PLXNA4: variants seen among roughly 807,000 people sequenced by gnomAD.
PLXNA4 encodes plexin A4, also known as plexin-A4.
In PLXNA4, 44 loss-of-function variants were observed where a neutral mutation model predicts 191.8. That is an observed-to-expected ratio of 0.23 (90% CI 0.18 to 0.29). PLXNA4 has a LOEUF of 0.29. Among genes scored for constraint, PLXNA4 ranks in the 10% least tolerant of loss-of-function variants. The probability of loss-of-function intolerance (pLI) is 1.00; values close to 1 mark genes in which losing one functional copy is unlikely to be tolerated. For missense variants in PLXNA4, 1,800 were observed against 2,488.8 expected (o/e 0.72, Z 5.89); for synonymous variants, 1,082 against 1,009.5 (o/e 1.07, Z -1.36).
At chr7:132,197,038 A>G (rs943194420) in intron 13 of PLXNA4, among the ~76,000 whole-genome samples, 9 of 152,230 alleles carry the variant, frequency 5.9e-5, no homozygotes, top group African/African-American at 1.9e-4. Flanking sequence ...ATGATTTTTG[A>G]TGCACAAGTT....
intron 2 of PLXNA4, among the ~76,000 whole-genome samples, chr7:132,615,742 ACT>A (rs1190674225): frequency 6.6e-6 from 1 of 151,724 alleles, no homozygotes; most frequent in African/African-American, 2.4e-5. Flanking sequence ...AAACTAACAG[ACT>A]CTGTCCACAT....
intron 3 of PLXNA4, among the ~76,000 whole-genome samples, chr7:132,324,985 C>T (rs1447916777): frequency 6.6e-6 from 1 of 152,218 alleles, no homozygotes; most frequent in African/African-American, 2.4e-5. Flanking sequence ...GCAGCCTCCT[C>T]TTCTCCAGAT....
At chr7:132,226,305 A>G (rs1798320925) in intron 7 of PLXNA4, 45 bp from the exon 8 acceptor site, 1 of 1,525,578 alleles carries the variant, frequency 6.6e-7, no homozygotes, top group Non-Finnish European at 9.0e-7. Context: ...CTGAGGCCCC[A>G]AGCCAGGGAT....
At chr7:132,507,253 C>G (rs1006222196) in intron 2 of PLXNA4, among the ~76,000 whole-genome samples, 1 of 152,130 alleles carries the variant, frequency 6.6e-6, no homozygotes, top group Non-Finnish European at 1.5e-5. Flanking sequence ...AACTAGTGAG[C>G]CAATATGAGG....
At chr7:132,262,437 C>T (rs1204440855) in intron 4 of PLXNA4, among the ~76,000 whole-genome samples, 2 of 152,154 alleles carry the variant, frequency 1.3e-5, no homozygotes, top group South Asian at 2.1e-4. Flanking sequence ...GACCCCTTGA[C>T]AGCAAACCTT....
chr7:132,443,903 G>A (rs900365499), intron 3 of PLXNA4, among the ~76,000 whole-genome samples: 8 of 152,214 alleles, frequency 5.3e-5, no homozygotes, highest in African/African-American at 1.9e-4. Context: ...GAGCAGAGGA[G>A]GGCCATGGAT....
intron 3 of PLXNA4, among the ~76,000 whole-genome samples, chr7:132,323,564 C>T (rs1802257673): frequency 6.6e-6 from 1 of 152,162 alleles, no homozygotes; most frequent in African/African-American, 2.4e-5. Flanking sequence ...TCTGCTAGAT[C>T]TTCCTCCTGC....
At chr7:132,249,274 T>C (rs1026749062) in intron 4 of PLXNA4, among the ~76,000 whole-genome samples, 1 of 152,280 alleles carries the variant, frequency 6.6e-6, no homozygotes, top group Admixed American at 6.5e-5. Flanking sequence ...TACAAATGAT[T>C]TGGGAAGCTT....
Position 132,508,553 on chromosome 7 carries a change from G to A in PLXNA4, c.141C>T (p.Pro47=), listed in dbSNP as rs750578200. 7.4e-5 allele frequency: 120 copies of A among 1,613,982 alleles called. No individual in the cohort carries two copies. The highest frequency in any genetic ancestry group is 9.2e-5 in the Non-Finnish European group (109 of 1,180,022). Residue 47 remains proline, a synonymous_variant, in exon 2 of 32, where the codon CCC becomes CCT. Coordinates refer to ENST00000321063, the MANE Select transcript of PLXNA4 (RefSeq NM_020911.2). The surrounding 1 kb of genome is among the most constrained non-coding windows in gnomAD (Gnocchi z 4.4). ...QRSFVTFRGE[P]AEGFNHLVVD... ...CCACCAGGTGATTGAAACCCTCGGC[G>A]GGCTCTCCTCGGAATGTGACAAATG... is the stretch of plus-strand genomic sequence containing the variant.
Position 132,418,614 on chromosome 7 carries a change from G to T in PLXNA4, c.1371+70678C>A, listed in dbSNP as rs528799239. Among the ~76,000 whole-genome samples, 4 of 152,318 alleles carry T rather than the reference G, an allele frequency of 2.6e-5. No homozygotes were observed. In the South Asian group the frequency reaches 8.3e-4, roughly 32 times the overall value. The stretch of plus-strand genomic sequence containing the variant: ...AAATTCAACAGGCATCCTGGGCACC[G>T]CCTGGAGAAAGGAAGAGGAAAGCAG... On this transcript the variant is annotated intron_variant, in intron 3 of 31. Coordinates refer to ENST00000321063, the MANE Select transcript of PLXNA4 (RefSeq NM_020911.2).
At chr7:132,148,465 C>A in intron 26 of PLXNA4, 78 bp downstream of exon 26, 2 of 1,586,886 alleles carry the variant, frequency 1.3e-6, no homozygotes, top group East Asian at 2.2e-5. Context: ...GTGTCTACCC[C>A]TGTTATTCCA....
intron 2 of PLXNA4, among the ~76,000 whole-genome samples, chr7:132,629,998 C>T (rs113671522): frequency 4.5e-4 from 68 of 152,114 alleles, no homozygotes; most frequent in African/African-American, 1.6e-3. Context: ...TACAGGTGCC[C>T]ACCACCACGC....
At chr7:132,243,248 T>C (rs749551272) in intron 4 of PLXNA4, among the ~76,000 whole-genome samples, 1 of 152,210 alleles carries the variant, frequency 6.6e-6, no homozygotes, top group African/African-American at 2.4e-5. Context: ...TACACAATAA[T>C]GTTTTCATAT....
chr7:132,333,409 G>T, intron 3 of PLXNA4, among the ~76,000 whole-genome samples: 1 of 152,318 alleles, frequency 6.6e-6, no homozygotes, highest in Admixed American at 6.5e-5. Flanking sequence ...AGAGGGAGGT[G>T]GGGAGGTGGG....
chr7:132,383,671 G>C, intron 3 of PLXNA4: 2 of 982,252 alleles, frequency 2.0e-6, no homozygotes, highest in Non-Finnish European at 2.4e-6. Flanking sequence ...CTATAAATGA[G>C]TGTATATATC....
At chr7:132,298,377 G>A (rs1298510197) in intron 3 of PLXNA4, among the ~76,000 whole-genome samples, 155 bp from the exon 4 acceptor site, 1 of 152,256 alleles carries the variant, frequency 6.6e-6, no homozygotes, top group Non-Finnish European at 1.5e-5. Context: ...AGTGACATAA[G>A]CTCACCAAGG....
At chr7:132,503,969 C>T (rs919915114) in intron 2 of PLXNA4, among the ~76,000 whole-genome samples, 1 of 152,234 alleles carries the variant, frequency 6.6e-6, no homozygotes, top group Non-Finnish European at 1.5e-5. Context: ...GCTGTTCCCA[C>T]CCTCCACTGA....
chr7:132,523,846 G>T (rs778290025), intron 1 of PLXNA4, among the ~76,000 whole-genome samples: 6 of 152,148 alleles, frequency 3.9e-5, no homozygotes, highest in Non-Finnish European at 8.8e-5. Context: ...GGTGGGTGCT[G>T]GTACCATTTA....
intron 1 of PLXNA4, among the ~76,000 whole-genome samples, chr7:132,547,885 A>T (rs1585314162): frequency 6.6e-6 from 1 of 152,168 alleles, no homozygotes; most frequent in African/African-American, 2.4e-5. Context: ...AGCAGAAAGC[A>T]CCTCTCTTTG....
Sources: allele counts gnomAD v4.1 joint callset (sites outside exome capture counted in the v4.1 genomes callset), GRCh38; gene constraint gnomAD v4.1.1; non-coding constraint Gnocchi (gnomAD v3.1); transcripts MANE v1.5; gene names NCBI Gene and HGNC (gene_info 2026-07-23, HGNC 2026-07-21).